The following CEP83 variants were observed in gnomAD, a reference collection of about 807,000 sequenced individuals.
CEP83 encodes centrosomal protein 83.
A neutral mutation model predicts 101.9 loss-of-function variants in CEP83; 70 were observed. That is an observed-to-expected ratio of 0.69 (90% CI 0.57 to 0.84). The LOEUF is 0.84. CEP83 is among the 40% of genes least tolerant of loss of function. CEP83 has a pLI of 0.00. For synonymous variants in CEP83, 264 were observed against 267.9 expected (o/e 0.99, Z 0.14); for missense variants, 715 against 787.2 (o/e 0.91, Z 1.10).
intron 11 of CEP83, among the ~76,000 whole-genome samples, chr12:94,363,119 C>A (rs949994956): frequency 6.6e-6 from 1 of 152,208 alleles, no homozygotes; most frequent in African/African-American, 2.4e-5. Flanking sequence ...TACAGCACTA[C>A]AGACTGACTA....
intron 6 of CEP83, among the ~76,000 whole-genome samples, chr12:94,380,191 A>AAT (rs2061769872): frequency 6.6e-6 from 1 of 152,118 alleles, no homozygotes; most frequent in Non-Finnish European, 1.5e-5. Context: ...AATGAATCTA[A>AAT]AAAGTTTAAG....
chr12:94,359,173 G>C (rs982371867), intron 11 of CEP83, among the ~76,000 whole-genome samples: 1 of 152,142 alleles, frequency 6.6e-6, no homozygotes, highest in Non-Finnish European at 1.5e-5. Flanking sequence ...GTAAATCTCT[G>C]TTCAGGGCTC....
chr12:94,324,370 A>G (rs1274763210), intron 14 of CEP83, among the ~76,000 whole-genome samples: 1 of 152,238 alleles, frequency 6.6e-6, no homozygotes, highest in Non-Finnish European at 1.5e-5. Context: ...TCTTAAAGAA[A>G]TGTATTCATT....
chr12:94,440,568 T>C (rs1159122145), intron 1 of CEP83, among the ~76,000 whole-genome samples: 1 of 150,566 alleles, frequency 6.6e-6, no homozygotes, highest in Non-Finnish European at 1.5e-5. Context: ...ATATATCCCA[T>C]GCGCATGGAT....
chr12:94,346,586 CAG>C (rs1479161808), intron 11 of CEP83, among the ~76,000 whole-genome samples: 1 of 152,112 alleles, frequency 6.6e-6, no homozygotes, highest in South Asian at 2.1e-4. Flanking sequence ...TCAGAAGTTC[CAG>C]AGTCCTGAAA....
intron 14 of CEP83, among the ~76,000 whole-genome samples, chr12:94,317,932 TAA>T (rs903551474): frequency 5.9e-5 from 9 of 152,182 alleles, no homozygotes; most frequent in African/African-American, 2.2e-4. Flanking sequence ...ACATGAATTT[TAA>T]AAGTTTTTTT....
chr12:94,343,615 G>A lies in CEP83; in HGVS notation c.1344-7951C>T, dbSNP rs528368827. Among the ~76,000 whole-genome samples, 496 of 147,930 alleles carry A rather than the reference G, an allele frequency of 3.4e-3. 1 individual carries two copies. The highest frequency in any genetic ancestry group is 4.9e-3 in the Non-Finnish European group (331 of 67,184). ...CGCCATTCTCCTGCCTCAGCCTCCC[G>A]AGTAGCTGGGACTACAGGCGCCCGC... On this transcript the variant is annotated intron_variant, in intron 11 of 16. Coordinates refer to ENST00000397809, the MANE Select transcript of CEP83 (RefSeq NM_016122.3).
the CEP83 span, chr12:94,282,455 A>C: frequency 8.5e-7 from 1 of 1,171,086 alleles, no homozygotes; most frequent in Non-Finnish European, 1.3e-6. Flanking sequence ...TCCTAGTCCC[A>C]TGGACATTCT....
Position 94,331,841 on chromosome 12 carries a change from A to G in CEP83, c.1578-12T>C, listed in dbSNP as rs758494179. Reference sequence around the variant, plus strand: ...TCTCTTCCAATGTCCTGTCAGAAGAATGTATGTAAAACATGGAAGTTAAAT... The same window carrying G: ...TCTCTTCCAATGTCCTGTCAGAAGAGTGTATGTAAAACATGGAAGTTAAAT... On this transcript the variant is annotated splice_polypyrimidine_tract_variant and intron_variant, in intron 13 of 16. Coordinates refer to ENST00000397809, the MANE Select transcript of CEP83 (RefSeq NM_016122.3). The G allele has an allele frequency of 6.2e-7, 1 of 1,610,200 alleles. No individual in the cohort carries two copies.
chr12:94,421,104 G>T (rs1241477873), intron 2 of CEP83, among the ~76,000 whole-genome samples: 1 of 152,074 alleles, frequency 6.6e-6, no homozygotes, highest in African/African-American at 2.4e-5. Context: ...GCAATGGCAT[G>T]ATCACAGCTT....
chr12:94,399,286 T>C (rs1033956447), intron 6 of CEP83, among the ~76,000 whole-genome samples: 1 of 152,210 alleles, frequency 6.6e-6, no homozygotes, highest in African/African-American at 2.4e-5. Context: ...GTAAAATTCC[T>C]CTCTTTGTAC....
At chr12:94,314,918 A>G (rs569671592) in intron 14 of CEP83, among the ~76,000 whole-genome samples, 2 of 152,324 alleles carry the variant, frequency 1.3e-5, no homozygotes, top group Admixed American at 1.3e-4. Context: ...TGACTAAGCC[A>G]TGGTTATGTA....
rs544151732 is a variant in CEP83, at chr12:94,426,214, C to T, written c.-102+9061G>A. 5.0e-4 allele frequency among the ~76,000 whole-genome samples: 76 copies of T among 152,246 alleles called. 1 individual carries two copies. The highest frequency in any genetic ancestry group is 1.8e-3 in the African/African-American group (75 of 41,556). On this transcript the variant is annotated intron_variant, in intron 2 of 16. Coordinates refer to ENST00000397809, the MANE Select transcript of CEP83 (RefSeq NM_016122.3). Reference sequence around the variant, plus strand: ...CCTGAGCACATACTGCTGTTTTCTACCGCCATGGCTTTGTAAATGCTAATT... The same window carrying T: ...CCTGAGCACATACTGCTGTTTTCTATCGCCATGGCTTTGTAAATGCTAATT...
intron 2 of CEP83, among the ~76,000 whole-genome samples, chr12:94,421,167 G>C (rs1249190579): frequency 1.3e-5 from 2 of 151,832 alleles, no homozygotes; most frequent in African/African-American, 4.8e-5. Context: ...CAAGTAGCTG[G>C]TACTACAGGC....
At chr12:94,309,203 A>G (rs910416046) in intron 16 of CEP83, among the ~76,000 whole-genome samples, 2 of 152,196 alleles carry the variant, frequency 1.3e-5, no homozygotes, top group Non-Finnish European at 2.9e-5. Context: ...GTATACTTAC[A>G]TGGTAACTTT....
At chr12:94,444,655 T>C (rs186397459) in intron 1 of CEP83, among the ~76,000 whole-genome samples, 4 of 152,228 alleles carry the variant, frequency 2.6e-5, no homozygotes, top group Non-Finnish European at 4.4e-5. Flanking sequence ...CTTATCCTCA[T>C]GGTACTAACT....
chr12:94,411,638 C>G, intron 4 of CEP83, 59 bp downstream of exon 4: 1 of 1,325,134 alleles, frequency 7.5e-7, no homozygotes, highest in Non-Finnish European at 1.1e-6. Flanking sequence ...AAACTACTTA[C>G]TTCCACTACG....
At chr12:94,375,726 T>A (rs1162047604) in intron 8 of CEP83, among the ~76,000 whole-genome samples, 160 bp downstream of exon 8, 1 of 152,180 alleles carries the variant, frequency 6.6e-6, no homozygotes, top group Non-Finnish European at 1.5e-5. Flanking sequence ...AATAGAGGCA[T>A]AAGATAACAT....
At chr12:94,320,604 C>T (rs1241701067) in intron 14 of CEP83, among the ~76,000 whole-genome samples, 3 of 152,016 alleles carry the variant, frequency 2.0e-5, no homozygotes, top group African/African-American at 7.2e-5. Context: ...TCTAAAACTC[C>T]CTCAGTATTT....
Sources: gnomAD v4.1 joint callset for allele counts (sites outside exome capture counted in the v4.1 genomes callset) on GRCh38, gnomAD v4.1.1 for gene constraint, MANE v1.5 for transcripts, NCBI Gene and HGNC (gene_info 2026-07-23, HGNC 2026-07-21) for gene names.